Variants in ADAMTS3 observed in about 807,000 individuals in gnomAD.
ADAMTS3 encodes ADAM metallopeptidase with thrombospondin type 1 motif 3, also known as A disintegrin and metalloproteinase with thrombospondin motifs 3.
Under a neutral mutation model 129.0 loss-of-function variants are expected in ADAMTS3, and 73 were observed. That is an observed-to-expected ratio of 0.57 (90% confidence interval 0.47 to 0.69). The LOEUF is 0.69. Ranked by LOEUF, ADAMTS3 falls within the 30% of genes least tolerant of loss-of-function variation. ADAMTS3 has a pLI of 0.00. For missense variants in ADAMTS3, 1,457 were observed against 1,514.5 expected, an observed-to-expected ratio of 0.96 and a Z score of 0.63; for synonymous variants, 477 against 510.8, an observed-to-expected ratio of 0.93 and a Z score of 0.89.
intron 5 of ADAMTS3, among the ~76,000 whole-genome samples, chr4:72,334,708 T>C (rs1430065460): frequency 6.6e-6 from 1 of 152,150 alleles, no homozygotes; most frequent in Admixed American, 6.5e-5. Flanking sequence ...TGAGAACCAC[T>C]TTCCCAGTAA....
At chr4:72,331,190 C>T (rs557742992) in intron 5 of ADAMTS3, among the ~76,000 whole-genome samples, 3 of 152,136 alleles carry the variant, frequency 2.0e-5, no homozygotes, top group East Asian at 3.9e-4. Flanking sequence ...TGTGGGGACT[C>T]GCTTCTAGAG....
At chr4:72,301,731 T>C (rs958833180) in intron 17 of ADAMTS3, among the ~76,000 whole-genome samples, 2 of 151,708 alleles carry the variant, frequency 1.3e-5, no homozygotes, top group Non-Finnish European at 2.9e-5. Flanking sequence ...TGTTTGGCAA[T>C]GTATGTCATG....
At chr4:72,323,181 C>T (rs1719605424) in intron 5 of ADAMTS3, 84 bp from the exon 6 acceptor site, 4 of 992,010 alleles carry the variant, frequency 4.0e-6, no homozygotes, top group Non-Finnish European at 6.3e-6. Flanking sequence ...GTAATCACCA[C>T]AAATAGGTGA....
intron 3 of ADAMTS3, among the ~76,000 whole-genome samples, chr4:72,518,065 T>A (rs1434311442): frequency 1.3e-5 from 2 of 152,198 alleles, no homozygotes; most frequent in Admixed American, 6.5e-5. Flanking sequence ...TCAAAGAATA[T>A]CTTTATTTCT....
At chr4:72,307,617 T>G (rs776268911) in intron 15 of ADAMTS3, among the ~76,000 whole-genome samples, 4 of 152,046 alleles carry the variant, frequency 2.6e-5, no homozygotes, top group Non-Finnish European at 5.9e-5. Flanking sequence ...TTCTGTAAGT[T>G]TATGTGTTGA....
intron 21 of ADAMTS3, among the ~76,000 whole-genome samples, chr4:72,284,060 C>G (rs1426570673): frequency 6.6e-6 from 1 of 152,070 alleles, no homozygotes; most frequent in Non-Finnish European, 1.5e-5. Flanking sequence ...AAAGGGGCAT[C>G]TGTATTTTTA....
intron 4 of ADAMTS3, among the ~76,000 whole-genome samples, chr4:72,341,341 T>C (rs1720132368): frequency 6.6e-6 from 1 of 152,140 alleles, no homozygotes. Context: ...GCTGGGAAAA[T>C]TCTCCTCACC....
At chr4:72,431,045 T>TA (rs1180501397) in intron 3 of ADAMTS3, among the ~76,000 whole-genome samples, 1 of 151,924 alleles carries the variant, frequency 6.6e-6, no homozygotes, top group Non-Finnish European at 1.5e-5. Context: ...CTTTTTTTGT[T>TA]AGACTTATTA....
intron 4 of ADAMTS3, among the ~76,000 whole-genome samples, chr4:72,399,803 T>G (rs62318847): frequency 2.9e-4 from 3 of 10,394 alleles, no homozygotes; most frequent in Non-Finnish European, 1.4e-3. Flanking sequence ...TGTGTATATA[T>G]ATACACACAC....
rs1051320868 is a variant in ADAMTS3 at position 72,462,878 on chromosome 4, A to G, written c.505-47907T>C. Reference sequence around the variant, plus strand: ...CAGTAAGCTCAAGTTATTATTGAAGAAAGAAAATTTTTAAAATAAATTTAG... The same window carrying G: ...CAGTAAGCTCAAGTTATTATTGAAGGAAGAAAATTTTTAAAATAAATTTAG... On this transcript the variant is annotated intron_variant, in intron 3 of 21. Transcript: ENST00000286657. Among the ~76,000 whole-genome samples, 4 of 151,974 alleles carry G rather than the reference A, an allele frequency of 2.6e-5. No individual in the cohort carries two copies. The East Asian group carries it at 7.8e-4, about 29-fold the overall frequency.
intron 13 of ADAMTS3, 113 bp from the exon 14 acceptor site, chr4:72,311,294 G>A: frequency 4.2e-6 from 4 of 957,950 alleles, no homozygotes; most frequent in East Asian, 2.8e-5. Context: ...GAAAACAAAA[G>A]GAATACCGTA....
chr4:72,309,655 A>G, intron 14 of ADAMTS3, 135 bp from the exon 15 acceptor site: 1 of 855,404 alleles, frequency 1.2e-6, no homozygotes, highest in Admixed American at 2.6e-5. Flanking sequence ...CTGTAGTCAT[A>G]ATTTTTAATA....
intron 2 of ADAMTS3, among the ~76,000 whole-genome samples, chr4:72,557,255 G>C (rs146920518): frequency 6.6e-6 from 1 of 151,874 alleles, no homozygotes; most frequent in Non-Finnish European, 1.5e-5. Flanking sequence ...GAAATGATGG[G>C]AGCCAGCTGC....
At chr4:72,293,364 A>G (rs1225770742) in intron 19 of ADAMTS3, among the ~76,000 whole-genome samples, 1 of 152,172 alleles carries the variant, frequency 6.6e-6, no homozygotes, top group African/African-American at 2.4e-5. Context: ...CATGAGGTTT[A>G]TCCTCTGTAG....
At chr4:72,493,950 G>C (rs1171978156) in intron 3 of ADAMTS3, among the ~76,000 whole-genome samples, 2 of 151,900 alleles carry the variant, frequency 1.3e-5, no homozygotes, top group Admixed American at 1.3e-4. Flanking sequence ...CAGTCTTATA[G>C]AGGTCACCTT....
At chr4:72,312,210 A>G in intron 13 of ADAMTS3, 81 bp downstream of exon 13, 2 of 1,478,026 alleles carry the variant, frequency 1.4e-6, no homozygotes, top group African/African-American at 1.4e-5. Context: ...AGGGATCAAG[A>G]GTCCATGGGG....
chr4:72,434,276 C>T (rs1027051774), intron 3 of ADAMTS3, among the ~76,000 whole-genome samples: 11 of 151,796 alleles, frequency 7.2e-5, no homozygotes, highest in Admixed American at 4.6e-4. Flanking sequence ...ATTTAAAATT[C>T]ATTTGCTCAT....
chr4:72,449,164 ATTTAC>A (rs971636908), intron 3 of ADAMTS3, among the ~76,000 whole-genome samples: 5 of 151,474 alleles, frequency 3.3e-5, no homozygotes, highest in African/African-American at 1.2e-4. Context: ...TTTTCAGACA[ATTTAC>A]TTTACTTAAG....
At chr4:72,313,548 G>A in intron 12 of ADAMTS3, 129 bp downstream of exon 12, 1 of 949,794 alleles carries the variant, frequency 1.1e-6, no homozygotes, top group Non-Finnish European at 1.5e-6. Flanking sequence ...ACTGGTTTAT[G>A]AACTGTGAAC....
Sources: gnomAD v4.1 joint callset for allele counts (sites outside exome capture counted in the v4.1 genomes callset) on GRCh38, gnomAD v4.1.1 for gene constraint, MANE v1.5 for transcripts, NCBI Gene and HGNC (gene_info 2026-07-23, HGNC 2026-07-21) for gene names.